CC2D2A: variants seen among roughly 807,000 people sequenced by gnomAD.
The protein encoded by CC2D2A is coiled-coil and C2 domain-containing protein 2A.
In CC2D2A, 155 loss-of-function variants were observed where a neutral mutation model predicts 212.9. The observed-to-expected ratio is 0.73, with a 90% CI of 0.64 to 0.83. The LOEUF is 0.83. Ranked by LOEUF, CC2D2A falls within the 40% of genes least tolerant of loss-of-function variation. The probability of loss-of-function intolerance (pLI) is 0.00; values close to 1 mark genes in which losing one functional copy is unlikely to be tolerated. For missense variants in CC2D2A, 1,856 were observed against 1,956.2 expected (o/e 0.95, Z 0.97); for synonymous variants, 667 against 686.5 (o/e 0.97, Z 0.44).
At chr4:15,586,106 C>A in intron 30 of CC2D2A, 51 bp from the exon 31 acceptor site, 2 of 1,262,680 alleles carry the variant, frequency 1.6e-6, no homozygotes, top group South Asian at 1.2e-5. Flanking sequence ...GGGGATGCAG[C>A]ATTCTGTTTT....
intron 11 of CC2D2A, among the ~76,000 whole-genome samples, chr4:15,521,240 ATATC>A (rs1717181527): frequency 6.6e-6 from 1 of 152,194 alleles, no homozygotes; most frequent in Non-Finnish European, 1.5e-5. Context: ...AGGAGATATT[ATATC>A]TATCTGTTAT....
intron 11 of CC2D2A, 129 bp downstream of exon 11, chr4:15,516,885 A>G: frequency 1.2e-6 from 1 of 842,300 alleles, no homozygotes; most frequent in South Asian, 3.2e-5. Context: ...TTACACATAA[A>G]GAACAAACAT....
At chr4:15,594,840 A>C (rs1293745702) in intron 33 of CC2D2A, among the ~76,000 whole-genome samples, 1 of 152,136 alleles carries the variant, frequency 6.6e-6, no homozygotes, top group African/African-American at 2.4e-5. Context: ...ACTTGCTGTC[A>C]TCCAGGCTGG....
chr4:15,510,325 G>A lies in CC2D2A; in HGVS notation c.540+85G>A, dbSNP rs140125447. ...GACACATGACTACAGGCCGGGTGTGGTGGCTCACGCCTGCAATCCCAGCGC... is the reference window on the plus strand; with the variant it reads ...GACACATGACTACAGGCCGGGTGTGATGGCTCACGCCTGCAATCCCAGCGC... On this transcript the variant is annotated intron_variant, in intron 7 of 36. Transcript: ENST00000424120. 30 of 1,200,152 alleles carry A rather than the reference G, an allele frequency of 2.5e-5. No homozygotes were observed. In the African/African-American group the frequency reaches 4.4e-4, roughly 18 times the overall value. 74.3% of individuals were successfully genotyped at this position (1,200,152 alleles called of 1,614,324 possible). A position where few individuals can be genotyped will look rare whatever the true frequency, so the allele number is the denominator to read the frequency against.
At chr4:15,540,715 C>A in intron 16 of CC2D2A, 122 bp from the exon 17 acceptor site, 1 of 861,258 alleles carries the variant, frequency 1.2e-6, no homozygotes, top group Non-Finnish European at 1.8e-6. Flanking sequence ...TAAATGAGGG[C>A]TGACATGATT....
At chr4:15,565,951 A>G (rs753041673) in intron 24 of CC2D2A, among the ~76,000 whole-genome samples, 3 of 152,180 alleles carry the variant, frequency 2.0e-5, no homozygotes, top group Non-Finnish European at 2.9e-5. Flanking sequence ...GGTTTTCCAA[A>G]AAGAAAAGAG....
rs114158431 is a variant in CC2D2A at position 15,564,812 on chromosome 4, G to A, written c.3182+1290G>A. Among the ~76,000 whole-genome samples the A allele has an allele frequency of 2.5e-3, 382 of 152,088 alleles. 3 individuals are homozygous for A. Among genetic ancestry groups the A allele is most frequent in the African/African-American group, 8.8e-3 (367 of 41,478 alleles). Reference sequence around the variant, plus strand: ...CCCATCTCAGCTTCCCAACTAGTTGGGACTACAGGTGTGCCCCACCACGCG... The same window carrying A: ...CCCATCTCAGCTTCCCAACTAGTTGAGACTACAGGTGTGCCCCACCACGCG... On this transcript the variant is annotated intron_variant, in intron 24 of 36. Transcript: ENST00000424120.
intron 17 of CC2D2A, among the ~76,000 whole-genome samples, chr4:15,545,921 C>T (rs528454438): frequency 1.3e-5 from 2 of 152,168 alleles, no homozygotes; most frequent in East Asian, 3.9e-4. Flanking sequence ...CCACCCTGTG[C>T]AACCTAGCGA....
chr4:15,578,943 C>G (rs1473456937), intron 29 of CC2D2A, among the ~76,000 whole-genome samples: 1 of 151,678 alleles, frequency 6.6e-6, no homozygotes, highest in Non-Finnish European at 1.5e-5. Context: ...TGCCCAGCCC[C>G]CAAAATTAAT....
chr4:15,537,735 C>T (rs1242931291), intron 15 of CC2D2A, among the ~76,000 whole-genome samples, 164 bp from the exon 16 acceptor site: 3 of 152,122 alleles, frequency 2.0e-5, no homozygotes, highest in Admixed American at 1.3e-4. Context: ...GATGAAAAAA[C>T]TGAGGCACAG....
At chr4:15,542,752 G>A (rs1026331503) in intron 17 of CC2D2A, among the ~76,000 whole-genome samples, 8 of 152,122 alleles carry the variant, frequency 5.3e-5, no homozygotes, top group Admixed American at 5.2e-4. Context: ...TAAAGGGGGT[G>A]GCTGACCAAG....
At chr4:15,472,826 T>A (rs1560384556) in intron 1 of CC2D2A, among the ~76,000 whole-genome samples, 4 of 152,158 alleles carry the variant, frequency 2.6e-5, no homozygotes, top group African/African-American at 9.7e-5. Context: ...TGTGATGAGG[T>A]TTGTAGAGAA....
chr4:15,510,717 C>T (rs1047526409), intron 7 of CC2D2A, among the ~76,000 whole-genome samples: 4 of 152,098 alleles, frequency 2.6e-5, no homozygotes, highest in African/African-American at 9.7e-5. Flanking sequence ...CAGAATATTG[C>T]CTGACTTGAG....
intron 1 of CC2D2A, among the ~76,000 whole-genome samples, chr4:15,474,058 G>A (rs958271025): frequency 6.6e-6 from 1 of 152,110 alleles, no homozygotes; most frequent in African/African-American, 2.4e-5. Flanking sequence ...GCATGCAGAT[G>A]GTATTTAAAA....
At chr4:15,535,877 G>C (rs1560170362) in intron 14 of CC2D2A, among the ~76,000 whole-genome samples, 1 of 152,206 alleles carries the variant, frequency 6.6e-6, no homozygotes, top group African/African-American at 2.4e-5. Flanking sequence ...CATCTCCAAA[G>C]TGCTGGGTGG....
intron 4 of CC2D2A, among the ~76,000 whole-genome samples, chr4:15,490,667 T>C (rs956356037): frequency 1.3e-5 from 2 of 152,158 alleles, no homozygotes; most frequent in African/African-American, 4.8e-5. Context: ...GGATTCCTAG[T>C]GGTAGTAAGG....
At chr4:15,475,379 G>C (rs1221391808) in intron 1 of CC2D2A, among the ~76,000 whole-genome samples, 1 of 152,120 alleles carries the variant, frequency 6.6e-6, no homozygotes, top group African/African-American at 2.4e-5. Flanking sequence ...AGAAAATCCA[G>C]ATGAAAGTGA....
At chr4:15,575,944 A>G (rs1229456018) in intron 29 of CC2D2A, among the ~76,000 whole-genome samples, 1 of 152,224 alleles carries the variant, frequency 6.6e-6, no homozygotes, top group Non-Finnish European at 1.5e-5. Context: ...AGAAAGGATG[A>G]AAGCCCAAGA....
rs1028051817 is a variant in CC2D2A, at chr4:15,576,336, C to T, written c.3771+2010C>T. The T allele has an allele frequency of 8.2e-6, 8 of 977,334 alleles. No homozygotes were observed. The Admixed American group carries it at 4.9e-4, about 60-fold the overall frequency. The allele number at this position is 977,334 out of a possible 1,614,324, so 60.5% of individuals were successfully genotyped here. A position where few individuals can be genotyped will look rare whatever the true frequency, so the allele number is the denominator to read the frequency against. On this transcript the variant is annotated intron_variant, in intron 29 of 36. Coordinates refer to ENST00000424120, the MANE Select transcript of CC2D2A (RefSeq NM_001378615.1). ...CATCCTAAAATTATAGGGTCAACAACCTGGAATTGTTTTTCCACTTACAGC... is the reference window on the plus strand; with the variant it reads ...CATCCTAAAATTATAGGGTCAACAATCTGGAATTGTTTTTCCACTTACAGC...
Sources: allele counts gnomAD v4.1 joint callset (sites outside exome capture counted in the v4.1 genomes callset), GRCh38; gene constraint gnomAD v4.1.1; transcripts MANE v1.5; gene names NCBI Gene and HGNC (gene_info 2026-07-23, HGNC 2026-07-21).